The following LAIR1 variants were observed in gnomAD, a reference collection of about 807,000 sequenced individuals.
LAIR1 encodes leukocyte associated immunoglobulin like receptor 1, also known as leukocyte-associated immunoglobulin-like receptor 1.
LAIR1 carries 24 observed loss-of-function variants against 32.8 expected under a neutral mutation model. That is an observed-to-expected ratio of 0.73 (90% confidence interval 0.53 to 1.03). The LOEUF is 1.03. Ranked by LOEUF, LAIR1 falls within the 50% of genes least tolerant of loss-of-function variation. The pLI is 0.00. For synonymous variants in LAIR1, 150 were observed against 140.5 expected (o/e 1.07, Z -0.48); for missense variants, 355 against 347.5 (o/e 1.02, Z -0.17).
chr19:54,374,183 A>G (rs2082464575), upstream of LAIR1, among the ~76,000 whole-genome samples: 1 of 152,172 alleles, frequency 6.6e-6, no homozygotes, highest in African/African-American at 2.4e-5. Flanking sequence ...ATAGCCCAGG[A>G]GCATGATGTT....
In LAIR1 at chr19:54,356,929, C is replaced by T; in HGVS notation, c.453G>A (p.Glu151=). The change falls in exon 5 of 10, where the codon GAG becomes GAA. Residue 151 remains glutamate, a splice_region_variant and synonymous_variant. Transcript: ENST00000391742. ...TQRPSDNSHN[E]HAPASQGLKA... is the part of the protein sequence containing the mutation. ...TGCTCCACGGCCCCCATCACTCACG[C>T]TCATTGTGACTGTTGTCCGACGGCC... 1.2e-6 allele frequency: 2 copies of T among 1,613,998 alleles called. No individual in the cohort carries two copies. Among genetic ancestry groups the T allele is most frequent in the Non-Finnish European group, 1.7e-6 (2 of 1,179,962 alleles).
chr19:54,360,867 G>C (rs749150088), intron 3 of LAIR1, 49 bp downstream of exon 3: 6 of 1,569,540 alleles, frequency 3.8e-6, no homozygotes, highest in Non-Finnish European at 5.2e-6. Flanking sequence ...CTGGGGACAA[G>C]CTCGAGGGTC....
Position 54,355,303 on chromosome 19 carries a change from C to T in LAIR1, c.829G>A (p.Glu277Lys), listed in dbSNP as rs200961101. The change falls in exon 10 of 10, where the codon GAG (glutamate) becomes AAG (lysine). Residue 277 changes from glutamate (E) to lysine (K), a missense_variant. Transcript: ENST00000391742. The surrounding 1 kb of genome is among the most constrained non-coding windows in gnomAD (Gnocchi z 4.7). ...VSPQSTKPMA[E>K]SITYAAVARH Reference sequence around the variant, plus strand: ...GCAACGGCTGCATACGTGATGGACTCGGCCATGGGCTTTGTGGACTGTGGG... The same window carrying T: ...GCAACGGCTGCATACGTGATGGACTTGGCCATGGGCTTTGTGGACTGTGGG... 3.1e-6 allele frequency: 5 copies of T among 1,612,030 alleles called. No individual in the cohort carries two copies. Among genetic ancestry groups the T allele is most frequent in the South Asian group, 1.1e-5 (1 of 90,910 alleles).
intron 3 of LAIR1, 63 bp downstream of exon 3, chr19:54,360,853 G>T: frequency 1.3e-6 from 2 of 1,529,964 alleles, no homozygotes; most frequent in South Asian, 2.4e-5. Context: ...CAGGGTCCAG[G>T]GACCTGGGGA....
At chr19:54,366,004 C>A (rs1363810028), upstream of LAIR1, among the ~76,000 whole-genome samples, 3 of 152,256 alleles carry the variant, frequency 2.0e-5, no homozygotes, top group East Asian at 3.9e-4. Context: ...GGACATCACG[C>A]CAAGCGACGC....
chr19:54,358,509 G>A (rs907448803), intron 4 of LAIR1: 2 of 1,590,208 alleles, frequency 1.3e-6, no homozygotes, highest in African/African-American at 2.7e-5. Flanking sequence ...ATGGGAATCA[G>A]TGCATTTCTA....
At chr19:54,368,392 GAGAA>G, upstream of LAIR1, 1 of 152,296 alleles carries the variant, frequency 6.6e-6, no homozygotes, top group African/African-American at 2.4e-5. Flanking sequence ...AGTGGCTCCT[GAGAA>G]TGACTTTCCT....
rs2082181198 is a variant in LAIR1 at position 54,364,679 on chromosome 19, C to G, written c.34+92G>C. Reference sequence around the variant, plus strand: ...GGGAGGAGGAGGACACTTTCCTCCCCAGAATCTTCTGGACTAGAGTCAGGC... The same window carrying G: ...GGGAGGAGGAGGACACTTTCCTCCCGAGAATCTTCTGGACTAGAGTCAGGC... On this transcript the variant is annotated intron_variant, in intron 1 of 9. Coordinates refer to ENST00000391742, the MANE Select transcript of LAIR1 (RefSeq NM_002287.6). This position sits in a 1 kb window ranked among gnomAD's most constrained non-coding sequence, Gnocchi z 4.8. 4 of 1,137,050 alleles carry G rather than the reference C, an allele frequency of 3.5e-6. No homozygotes were observed. The highest frequency in any genetic ancestry group is 4.0e-6 in the Non-Finnish European group (3 of 752,956). The allele number at this position is 1,137,050 out of a possible 1,614,324, so 70.4% of individuals were successfully genotyped here.
At chr19:54,374,575 G>A (rs1351320875), upstream of LAIR1, among the ~76,000 whole-genome samples, 1 of 152,160 alleles carries the variant, frequency 6.6e-6, no homozygotes, top group African/African-American at 2.4e-5. Context: ...GCAAAGTCCT[G>A]AGTCGTTTGC....
Position 54,361,026 on chromosome 19 carries a change from C to T in LAIR1, c.254G>A (p.Arg85Lys). The T allele has an allele frequency of 1.2e-6, 2 of 1,614,190 alleles. No homozygotes were observed. Among genetic ancestry groups the T allele is most frequent in the South Asian group, 2.2e-5 (2 of 91,086 alleles). ...TTCTCTTACTGAGTCAATGCGGAAT[C>T]TGGCCTCTGACTCAGATGGACTAGC... ...SQASPSESEA[R>K]FRIDSVREGN... is the part of the protein sequence containing the mutation. Residue 85 changes from arginine to lysine, a missense_variant, in exon 3 of 10, where the codon AGA (arginine) becomes AAA (lysine). Coordinates refer to ENST00000391742, the MANE Select transcript of LAIR1 (RefSeq NM_002287.6).
Position 54,356,570 on chromosome 19 carries a change from G to C in LAIR1, c.504C>G (p.Ile168Met). Residue 168 changes from isoleucine (I) to methionine (M), a missense_variant, in exon 6 of 10, where the codon ATC (isoleucine) becomes ATG (methionine). By Grantham distance (10) the Ile-to-Met change is conservative (BLOSUM62 1). Transcript: ENST00000391742. Reference protein sequence around the residue: ...GLKAEHLYILIGVSVVFLFCL... With the variant: ...GLKAEHLYILMGVSVVFLFCL... ...AGAAGAGGAAGACCACTGAGACCCC[G>C]ATGAGAATATACAGATGCTCAGCTT... 1 of 1,613,908 alleles carries C rather than the reference G, an allele frequency of 6.2e-7. No individual in the cohort carries two copies.
upstream of LAIR1, among the ~76,000 whole-genome samples, chr19:54,374,402 C>T (rs967933832): frequency 3.3e-5 from 5 of 152,166 alleles, no homozygotes; most frequent in African/African-American, 1.2e-4. Context: ...TTCTCCCCTC[C>T]CAGTTCCCTT....
At position 54,355,084 on chromosome 19, in the gene LAIR1, T is replaced by G; in HGVS notation, c.*184A>C. ...CTGCTCGATTGTAGAAGGGACCACC[T>G]GGCTAACGAACCTTCTGGATGCTGG... is the stretch of plus-strand genomic sequence containing the variant. On this transcript the variant is annotated 3_prime_UTR_variant, in exon 10 of 10. Transcript: ENST00000391742. This position sits in a 1 kb window ranked among gnomAD's most constrained non-coding sequence, Gnocchi z 4.7. 1.7e-6 allele frequency: 1 copy of G among 578,450 alleles called. No individual in the cohort carries two copies. The highest frequency in any genetic ancestry group is 2.3e-5 in the South Asian group (1 of 42,746). The allele number at this position is 578,450 out of a possible 1,614,324, so 35.8% of individuals were successfully genotyped here. A position where few individuals can be genotyped will look rare whatever the true frequency, so the allele number is the denominator to read the frequency against.
Position 54,355,312 on chromosome 19 carries a change from G to C in LAIR1, c.820C>G (p.Pro274Ala). 1 of 1,613,254 alleles carries C rather than the reference G, an allele frequency of 6.2e-7. No homozygotes were observed. Among genetic ancestry groups the C allele is most frequent in the Non-Finnish European group, 8.5e-7 (1 of 1,179,562 alleles). Residue 274 changes from proline (P) to alanine (A), a missense_variant, in exon 10 of 10, where the codon CCC (proline) becomes GCC (alanine). By Grantham distance (27) the Pro-to-Ala change is conservative. Transcript: ENST00000391742. The surrounding 1 kb of genome is among the most constrained non-coding windows in gnomAD (Gnocchi z 4.7). ...GCATACGTGATGGACTCGGCCATGG[G>C]CTTTGTGGACTGTGGGGACACAGCC... is the stretch of plus-strand genomic sequence containing the variant. ...ARAVSPQSTK[P>A]MAESITYAAV... is the part of the protein sequence containing the mutation.
At chr19:54,370,288 G>C (rs762260710) in exon 1 of LAIR1, 499 of 1,543,842 alleles carry the variant, frequency 3.2e-4, no homozygotes, top group Non-Finnish European at 4.3e-4. Context: ...CTTCTGTCGC[G>C]GATGCAACCC....
chr19:54,367,841 C>T (rs1048047289), upstream of LAIR1, among the ~76,000 whole-genome samples: 4 of 145,310 alleles, frequency 2.8e-5, no homozygotes, highest in African/African-American at 7.7e-5. Context: ...GGCGCAATCT[C>T]GGCTCACTGC....
intron 2 of LAIR1, among the ~76,000 whole-genome samples, chr19:54,363,336 G>T (rs1291004242): frequency 1.3e-5 from 2 of 151,872 alleles, no homozygotes; most frequent in African/African-American, 4.8e-5. Context: ...AGAAGAGGAT[G>T]AGTGTTCAGA....
chr19:54,359,573 GT>G (rs1359491699), intron 4 of LAIR1, among the ~76,000 whole-genome samples: 1 of 152,206 alleles, frequency 6.6e-6, no homozygotes, highest in Non-Finnish European at 1.5e-5. Flanking sequence ...CCTCCATCAG[GT>G]GCAGAGCGGG....
At chr19:54,356,698 T>C in intron 5 of LAIR1, 79 bp from the exon 6 acceptor site, 1 of 1,387,140 alleles carries the variant, frequency 7.2e-7, no homozygotes, top group Admixed American at 1.8e-5. Context: ...GTCACGTGCG[T>C]TTCATAGACT....
Sources: gnomAD v4.1 joint callset for allele counts (sites outside exome capture counted in the v4.1 genomes callset) on GRCh38, gnomAD v4.1.1 for gene constraint, Gnocchi (gnomAD v3.1) non-coding constraint, MANE v1.5 for transcripts, NCBI Gene and HGNC (gene_info 2026-07-23, HGNC 2026-07-21) for gene names.